Variants in THBS3 observed in about 807,000 individuals in gnomAD.
THBS3 encodes the protein thrombospondin 3.
THBS3 carries 78 observed loss-of-function variants against 118.3 expected under a neutral mutation model. The ratio of observed to expected loss-of-function variants is 0.66; its 90% CI spans 0.55 to 0.80. The LOEUF is 0.80. Ranked by LOEUF, THBS3 falls within the 30% of genes least tolerant of loss-of-function variation. The probability of loss-of-function intolerance (pLI) is 0.00; values close to 1 mark genes in which losing one functional copy is unlikely to be tolerated. For synonymous variants in THBS3, 427 were observed against 475.3 expected (o/e 0.90, Z 1.32); for missense variants, 1,057 against 1,247.4 (o/e 0.85, Z 2.30).
chr1:155,206,294 C>T lies in THBS3; in HGVS notation c.192G>A (p.Leu64=). ...GDIYLLSTFR[L]PPKQGGVLFG... Reference sequence around the variant, plus strand: ...AGAGGACACCACCCTGCTTGGGGGGCAGGCGGAAGGTGGATAAGAGGTAGA... The same window carrying T: ...AGAGGACACCACCCTGCTTGGGGGGTAGGCGGAAGGTGGATAAGAGGTAGA... The change falls in exon 2 of 23, where the codon CTG becomes CTA. Residue 64 remains leucine, a synonymous_variant. Coordinates refer to ENST00000368378, the MANE Select transcript of THBS3 (RefSeq NM_007112.5). This position sits in a 1 kb window ranked among gnomAD's most constrained non-coding sequence, Gnocchi z 4.2. The T allele has an allele frequency of 6.2e-7, 1 of 1,614,148 alleles. No individual in the cohort carries two copies. Among genetic ancestry groups the T allele is most frequent in the Non-Finnish European group, 8.5e-7 (1 of 1,180,018 alleles).
At chr1:155,209,176 G>T (rs1670960499), upstream of THBS3, 1 of 1,483,472 alleles carries the variant, frequency 6.7e-7, no homozygotes, top group East Asian at 2.5e-5. Flanking sequence ...TCGGAGGGGC[G>T]GTGGCGGGGG....
In THBS3 at chr1:155,199,842, G is replaced by A. The variant is rs34676899; in HGVS notation, c.1842C>T (p.Ser614=). ...MSNPTQTDAD[S]DLVGDVCDTN... ...TATCACAGACATCCCCCACCAGGTC[G>A]CTGTCTGCATCTGTCTGAGAGAGAG... The change falls in exon 16 of 23, where the codon AGC becomes AGT. Residue 614 remains serine (S), a synonymous_variant. Transcript: ENST00000368378. 1.4e-3 allele frequency: 2,238 copies of A among 1,614,140 alleles called. 24 individuals carry two copies. The African/African-American group carries it at 0.026, about 19-fold the overall frequency.
At chr1:155,205,641 G>A (rs1670438080) in intron 2 of THBS3, 1 of 320,508 alleles carries the variant, frequency 3.1e-6, no homozygotes, top group Middle Eastern at 9.8e-4. Flanking sequence ...AGCCAGGCAT[G>A]GTGGTGGGCA....
rs1222856325 is a variant in THBS3 at position 155,200,733 on chromosome 1, C to T, written c.1549-123G>A. On this transcript the variant is annotated intron_variant, in intron 13 of 22. Transcript: ENST00000368378. ...CTTGTGATGGACAAACTGCTCAGTA[C>T]AGTCCCACCCACCCAGCCTCCTTGT... 6.4e-6 allele frequency: 10 copies of T among 1,556,202 alleles called. No individual in the cohort carries two copies. The African/African-American group carries it at 8.1e-5, about 13-fold the overall frequency.
At chr1:155,204,616 C>G (rs1392778340) in intron 4 of THBS3, among the ~76,000 whole-genome samples, 1 of 151,882 alleles carries the variant, frequency 6.6e-6, no homozygotes, top group Non-Finnish European at 1.5e-5. Flanking sequence ...AGACCAGTAT[C>G]TCTTGGTCAG....
chr1:155,200,662 C>G, intron 13 of THBS3, 52 bp from the exon 14 acceptor site: 1 of 1,599,886 alleles, frequency 6.3e-7, no homozygotes. Flanking sequence ...AATCACTTGT[C>G]ATCTTGCACC....
In THBS3 at chr1:155,197,926, G is replaced by A. The variant is rs749262211; in HGVS notation, c.2256C>T (p.Gly752=). ...TGTTCATGGTCTGAACGATTTCCAT[G>A]CCCTGGGGTTGTATAGTAAAGAAAA... ...IDPNWVVLNQ[G]MEIVQTMNSD... The change falls in exon 19 of 23, where the codon GGC becomes GGT. Residue 752 remains glycine, a splice_region_variant and synonymous_variant. Coordinates refer to ENST00000368378, the MANE Select transcript of THBS3 (RefSeq NM_007112.5). This position sits in a 1 kb window ranked among gnomAD's most constrained non-coding sequence, Gnocchi z 5.0. 2.5e-6 allele frequency: 4 copies of A among 1,614,112 alleles called. No homozygotes were observed. The highest frequency in any genetic ancestry group is 3.4e-6 in the Non-Finnish European group (4 of 1,180,034).
At chr1:155,196,961 A>G in intron 21 of THBS3, 80 bp downstream of exon 21, 1 of 1,401,084 alleles carries the variant, frequency 7.1e-7, no homozygotes, top group Non-Finnish European at 9.9e-7. Context: ...ACCCATGGAG[A>G]GGTCACTGGT....
rs1251481126 is a variant in THBS3, at chr1:155,197,277, C to T, written c.2500-64G>A. ...ACTGGAGTGAGGGGAGACAACAGGT[C>T]GGTAAGTGCAGGTGGGAAAGGGATT... is the stretch of plus-strand genomic sequence containing the variant. On this transcript the variant is annotated intron_variant, in intron 20 of 22. Transcript: ENST00000368378. This position sits in a 1 kb window ranked among gnomAD's most constrained non-coding sequence, Gnocchi z 5.0. The T allele has an allele frequency of 2.3e-5, 36 of 1,586,878 alleles. No homozygotes were observed. Among genetic ancestry groups the T allele is most frequent in the East Asian group, 4.5e-5 (2 of 44,424 alleles).
intron 16 of THBS3, among the ~76,000 whole-genome samples, chr1:155,199,219 G>T (rs1669238394): frequency 6.6e-6 from 1 of 150,978 alleles, no homozygotes; most frequent in Non-Finnish European, 1.5e-5. Context: ...GACCATCCTG[G>T]TTAACACAGT....
Position 155,203,478 on chromosome 1 carries a change from C to A in THBS3, c.673+35G>T, listed in dbSNP as rs187681941. On this transcript the variant is annotated intron_variant, in intron 5 of 22. Coordinates refer to ENST00000368378, the MANE Select transcript of THBS3 (RefSeq NM_007112.5). ...CTGCCAGAGCCTGGGGCCTCCTCCC[C>A]GCTCCCCGCTTCCGCTTCAGTGTGG... The A allele has an allele frequency of 1.9e-6, 3 of 1,612,214 alleles. No homozygotes were observed. The South Asian group carries it at 3.3e-5, about 18-fold the overall frequency.
Position 155,200,921 on chromosome 1 carries a change from A to C in THBS3, c.1524T>G (p.Asp508Glu). Residue 508 changes from aspartate to glutamate, a missense_variant, in exon 13 of 23, where the codon GAT becomes GAG. Physicochemically the swap from Asp to Glu is conservative, Grantham distance 45 (BLOSUM62 2). Coordinates refer to ENST00000368378, the MANE Select transcript of THBS3 (RefSeq NM_007112.5). ...CCTCAACATTCTTGATCCCATCCCC[A>C]TCAGCATCATCATCACACTGGTCCC... ...GVGDQCDDDADGDGIKNVEDN... is the reference protein window; with the variant it reads ...GVGDQCDDDAEGDGIKNVEDN... 1 of 1,614,100 alleles carries C rather than the reference A, an allele frequency of 6.2e-7. No homozygotes were observed. Among genetic ancestry groups the C allele is most frequent in the African/African-American group, 1.3e-5 (1 of 75,024 alleles).
chr1:155,197,213 C>T lies in THBS3; in HGVS notation c.2500G>A (p.Ala834Thr). The stretch of plus-strand genomic sequence containing the variant: ...CCTGGGCCAGACACTGATGTCACTG[C>T]CTAGGAGACATTGGCAAAGACAGTG... ...AVAQPGLQLK[A>T]VTSVSGPGEH... is the part of the protein sequence containing the mutation. Residue 834 changes from alanine to threonine, a missense_variant and splice_region_variant, in exon 21 of 23, where the codon GCA becomes ACA. This residue lies in a region of THBS3 where 307 missense variants were observed against 326.1 expected (regional missense o/e 0.94). Transcript: ENST00000368378. The surrounding 1 kb of genome is among the most constrained non-coding windows in gnomAD (Gnocchi z 5.0). 6.2e-7 allele frequency: 1 copy of T among 1,612,360 alleles called. No homozygotes were observed. Among genetic ancestry groups the T allele is most frequent in the Non-Finnish European group, 8.5e-7 (1 of 1,178,592 alleles).
upstream of THBS3, chr1:155,208,763 G>A (rs773753911): frequency 6.3e-6 from 9 of 1,432,400 alleles, no homozygotes; most frequent in East Asian, 2.1e-4. Context: ...ATGGCGACAG[G>A]CGGCGCAGGG....
upstream of THBS3, chr1:155,208,759 A>T: frequency 7.8e-7 from 1 of 1,283,432 alleles, no homozygotes; most frequent in Non-Finnish European, 1.0e-6. Flanking sequence ...TTCCATGGCG[A>T]CAGGCGGCGC....
At position 155,202,426 on chromosome 1, in the gene THBS3, G is replaced by A; in HGVS notation, c.958-25C>T. ...ACTGGGGACCAGATGAGAAGGCAGA[G>A]GTCAGGCCGCCCTCTGGGAAACTCA... On this transcript the variant is annotated intron_variant, in intron 8 of 22. Transcript: ENST00000368378. The surrounding 1 kb of genome is among the most constrained non-coding windows in gnomAD (Gnocchi z 5.5). 6.2e-7 allele frequency: 1 copy of A among 1,611,324 alleles called. No individual in the cohort carries two copies. Among genetic ancestry groups the A allele is most frequent in the Non-Finnish European group, 8.5e-7 (1 of 1,178,850 alleles).
chr1:155,207,694 TG>T, intron 1 of THBS3, 103 bp downstream of exon 1: 1 of 1,243,094 alleles, frequency 8.0e-7, no homozygotes, highest in Non-Finnish European at 1.1e-6. Context: ...GCTCAATTTC[TG>T]GACTCTTCCC....
chr1:155,207,986 A>T, upstream of THBS3: 1 of 522,476 alleles, frequency 1.9e-6, no homozygotes, highest in Admixed American at 3.2e-5. Flanking sequence ...AGGGGGGGCC[A>T]GCAGGCGGGT....
chr1:155,197,184 C>A lies in THBS3; in HGVS notation c.2529G>T (p.Glu843Asp). The A allele has an allele frequency of 6.2e-7, 1 of 1,614,152 alleles. No individual in the cohort carries two copies. Among genetic ancestry groups the A allele is most frequent in the Non-Finnish European group, 8.5e-7 (1 of 1,179,990 alleles). Residue 843 changes from glutamate (E) to aspartate (D), a missense_variant, in exon 21 of 23, where the codon GAG becomes GAT. Physicochemically the swap from Glu to Asp is conservative, Grantham distance 45. This residue lies in a region of THBS3 where 307 missense variants were observed against 326.1 expected (regional missense o/e 0.94). Coordinates refer to ENST00000368378, the MANE Select transcript of THBS3 (RefSeq NM_007112.5). This position sits in a 1 kb window ranked among gnomAD's most constrained non-coding sequence, Gnocchi z 5.0. ...KAVTSVSGPG[E>D]HLRNALWHTG... is the part of the protein sequence containing the mutation. The stretch of plus-strand genomic sequence containing the variant: ...TATGCCACAGGGCATTTCGGAGGTG[C>A]TCACCTGGGCCAGACACTGATGTCA...
Sources: allele counts gnomAD v4.1 joint callset (sites outside exome capture counted in the v4.1 genomes callset), GRCh38; gene constraint gnomAD v4.1.1; regional missense constraint gnomAD v4.1.1; non-coding constraint Gnocchi (gnomAD v3.1); transcripts MANE v1.5; gene names NCBI Gene and HGNC (gene_info 2026-07-23, HGNC 2026-07-21).